ANO2: variants seen among roughly 807,000 people sequenced by gnomAD.
ANO2 encodes anoctamin 2.
ANO2 carries 101 observed loss-of-function variants against 124.2 expected under a neutral mutation model. The ratio of observed to expected loss-of-function variants is 0.81; its 90% CI spans 0.69 to 0.96. ANO2 has a LOEUF of 0.96. ANO2 is among the 40% of genes least tolerant of loss of function. The pLI is 0.00. For missense variants in ANO2, 1,293 were observed against 1,274.5 expected, an observed-to-expected ratio of 1.01 and a Z score of -0.22; for synonymous variants, 486 against 482.5, an observed-to-expected ratio of 1.01 and a Z score of -0.09.
chr12:5,885,633 G>T (rs1938838314), intron 3 of ANO2, among the ~76,000 whole-genome samples: 1 of 152,136 alleles, frequency 6.6e-6, no homozygotes, highest in African/African-American at 2.4e-5. Context: ...TTGAATCCAG[G>T]CAGTCCAAAT....
chr12:5,574,928 G>C (rs959292913), intron 23 of ANO2, among the ~76,000 whole-genome samples: 2 of 152,090 alleles, frequency 1.3e-5, no homozygotes, highest in African/African-American at 4.8e-5. Context: ...GCTGGTGTAG[G>C]AGTTTCTACA....
intron 10 of ANO2, among the ~76,000 whole-genome samples, chr12:5,785,019 G>A (rs931089135): frequency 1.3e-5 from 2 of 152,186 alleles, no homozygotes; most frequent in Non-Finnish European, 2.9e-5. Context: ...AGTTGCAAGA[G>A]CATAAACAAC....
chr12:5,911,208 C>T (rs1311533815), intron 3 of ANO2, among the ~76,000 whole-genome samples: 1 of 152,166 alleles, frequency 6.6e-6, no homozygotes. Context: ...TTCACCTCAG[C>T]ATCCTCAGCT....
chr12:5,849,887 T>G (rs1210660681), intron 4 of ANO2, among the ~76,000 whole-genome samples: 2 of 152,120 alleles, frequency 1.3e-5, no homozygotes, highest in East Asian at 3.9e-4. Context: ...AAAGAGAGCA[T>G]GCCACCAGCC....
rs749755866 is a variant in ANO2, at chr12:5,832,583, T to C, written c.654A>G (p.Gly218=). 1 of 1,613,530 alleles carries C rather than the reference T, an allele frequency of 6.2e-7. No individual in the cohort carries two copies. The highest frequency in any genetic ancestry group is 1.1e-5 in the South Asian group (1 of 91,034). Residue 218 remains glycine, a synonymous_variant, in exon 5 of 25, where the codon GGA becomes GGG. Coordinates refer to ENST00000682330, the MANE Select transcript of ANO2 (RefSeq NM_001364791.2). ...CGCTGAACTTCTTTGCAATGCTGCC[T>C]CCTGCTTTGATCTCGTACATCTATG... ...PTKKMYEIKA[G]GSIAKKFSAA... is the part of the protein sequence containing the mutation.
intron 16 of ANO2, among the ~76,000 whole-genome samples, chr12:5,622,504 G>A (rs897931639): frequency 3.3e-5 from 5 of 152,172 alleles, no homozygotes; most frequent in African/African-American, 9.7e-5. Context: ...TGTGTGCTTG[G>A]CCGAGACTTC....
intron 13 of ANO2, among the ~76,000 whole-genome samples, chr12:5,737,003 C>A (rs1950894954): frequency 6.6e-6 from 1 of 152,212 alleles, no homozygotes; most frequent in Admixed American, 6.5e-5. Context: ...CCAAAGAGCA[C>A]CCTGCTGGAT....
At chr12:5,611,880 T>C (rs751894131) in intron 19 of ANO2, among the ~76,000 whole-genome samples, 3 of 152,172 alleles carry the variant, frequency 2.0e-5, no homozygotes, top group Non-Finnish European at 4.4e-5. Context: ...CCTATCCTCC[T>C]AAGCAGAACT....
intron 3 of ANO2, among the ~76,000 whole-genome samples, chr12:5,899,955 C>A (rs1362370889): frequency 1.3e-5 from 2 of 152,156 alleles, no homozygotes; most frequent in Non-Finnish European, 1.5e-5. Flanking sequence ...GTTTATTTCC[C>A]CAGATGAATT....
intron 1 of ANO2, among the ~76,000 whole-genome samples, chr12:5,928,366 C>T (rs1026407306): frequency 2.0e-5 from 3 of 152,154 alleles, no homozygotes; most frequent in Admixed American, 6.5e-5. Flanking sequence ...ACAGAGCATC[C>T]GCACTCTCCC....
intron 14 of ANO2, among the ~76,000 whole-genome samples, chr12:5,694,826 G>A (rs1949103181): frequency 6.6e-6 from 1 of 151,916 alleles, no homozygotes. Flanking sequence ...CATGGCCCTG[G>A]GTCAGAGATG....
At chr12:5,700,162 T>C (rs1949346016) in intron 14 of ANO2, among the ~76,000 whole-genome samples, 2 of 152,212 alleles carry the variant, frequency 1.3e-5, no homozygotes, top group South Asian at 4.1e-4. Flanking sequence ...ACATTGTACT[T>C]ATTCCAAAAT....
chr12:5,699,274 T>TG (rs1460277644), intron 14 of ANO2, among the ~76,000 whole-genome samples: 1 of 151,386 alleles, frequency 6.6e-6, no homozygotes, highest in Non-Finnish European at 1.5e-5. Context: ...CAGAAGAGAG[T>TG]GGGGGCCAAT....
At chr12:5,615,407 A>C in intron 16 of ANO2, 110 bp from the exon 17 acceptor site, 1 of 756,986 alleles carries the variant, frequency 1.3e-6, no homozygotes. Flanking sequence ...CACAGCAAAA[A>C]TCACGAGACC....
chr12:5,739,371 C>A lies in ANO2; in HGVS notation c.1380G>T (p.Arg460Ser). The change falls in exon 13 of 25, where the codon AGG (arginine) becomes AGT (serine). Residue 460 changes from arginine (R) to serine (S), a missense_variant. Transcript: ENST00000682330. Reference protein sequence around the residue: ...WATMFLENWKRLQMRLGYFWD... With the variant: ...WATMFLENWKSLQMRLGYFWD... ...AAAAGTAGCCCAGTCGCATCTGTAG[C>A]CTCTTCCAGTTTTCCAGGAACATGG... 1 of 1,606,660 alleles carries A rather than the reference C, an allele frequency of 6.2e-7. No individual in the cohort carries two copies. Among genetic ancestry groups the A allele is most frequent in the Non-Finnish European group, 8.5e-7 (1 of 1,176,684 alleles).
At chr12:5,846,612 G>A (rs890317361) in intron 4 of ANO2, among the ~76,000 whole-genome samples, 1 of 152,176 alleles carries the variant, frequency 6.6e-6, no homozygotes, top group Non-Finnish European at 1.5e-5. Context: ...AGGTATCAGT[G>A]GGGCTGCACT....
chr12:5,704,522 C>T (rs921406249), intron 14 of ANO2, among the ~76,000 whole-genome samples: 2 of 152,058 alleles, frequency 1.3e-5, no homozygotes, highest in Admixed American at 1.3e-4. Context: ...GGGAGAATAG[C>T]CTTTTACTGA....
rs117289176 is a variant in ANO2, at chr12:5,686,120, A to C, written c.1546-38319T>G. Among the ~76,000 whole-genome samples, 445 of 152,290 alleles carry C rather than the reference A, an allele frequency of 2.9e-3. 6 individuals are homozygous for C. The East Asian group carries it at 0.047, about 16-fold the overall frequency. On this transcript the variant is annotated intron_variant, in intron 14 of 24. Transcript: ENST00000682330. ...CAGGTGGGAAACTCCCCCAGGGGCA[A>C]GTCCCGGGTAGCTCTCGAGAACAGT...
intron 14 of ANO2, among the ~76,000 whole-genome samples, chr12:5,711,112 C>T (rs1268306995): frequency 6.6e-6 from 1 of 150,602 alleles, no homozygotes; most frequent in Non-Finnish European, 1.5e-5. Context: ...GAGCAGAGAT[C>T]GCGCCACTGT....
Sources: allele counts gnomAD v4.1 joint callset (sites outside exome capture counted in the v4.1 genomes callset), GRCh38; gene constraint gnomAD v4.1.1; transcripts MANE v1.5; gene names NCBI Gene and HGNC (gene_info 2026-07-23, HGNC 2026-07-21).